ADAMTS3: variants seen among roughly 807,000 people sequenced by gnomAD.
The protein encoded by ADAMTS3 is A disintegrin and metalloproteinase with thrombospondin motifs 3.
In ADAMTS3, 73 loss-of-function variants were observed where a neutral mutation model predicts 129.0. That is an observed-to-expected ratio of 0.57 (90% CI 0.47 to 0.69). The LOEUF (loss-of-function observed/expected upper bound fraction) is 0.69, where lower values mean the gene tolerates loss of function less well. ADAMTS3 is among the 30% of genes least tolerant of loss of function. ADAMTS3 has a pLI of 0.00. For missense variants in ADAMTS3, 1,457 were observed against 1,514.5 expected, an observed-to-expected ratio of 0.96 and a Z score of 0.63; for synonymous variants, 477 against 510.8, an observed-to-expected ratio of 0.93 and a Z score of 0.89.
chr4:72,468,338 T>C (rs1050647794), intron 3 of ADAMTS3, among the ~76,000 whole-genome samples: 1 of 152,050 alleles, frequency 6.6e-6, no homozygotes, highest in African/African-American at 2.4e-5. Flanking sequence ...ACAGGAGTCT[T>C]AAGAAAAATA....
At chr4:72,366,953 A>G (rs146042146) in intron 4 of ADAMTS3, among the ~76,000 whole-genome samples, 13 of 150,256 alleles carry the variant, frequency 8.7e-5, no homozygotes, top group Non-Finnish European at 1.9e-4. Flanking sequence ...TCTCTCCTTT[A>G]TCCTCTTTTG....
At chr4:72,461,084 A>T (rs1718756384) in intron 3 of ADAMTS3, among the ~76,000 whole-genome samples, 1 of 151,702 alleles carries the variant, frequency 6.6e-6, no homozygotes, top group South Asian at 2.1e-4. Context: ...TAGGCATACA[A>T]AAACTACTAA....
chr4:72,413,184 T>A (rs1722222706), intron 4 of ADAMTS3, among the ~76,000 whole-genome samples: 1 of 151,930 alleles, frequency 6.6e-6, no homozygotes, highest in Non-Finnish European at 1.5e-5. Flanking sequence ...AGTAATAGGG[T>A]ACAGCCTGAT....
intron 2 of ADAMTS3, among the ~76,000 whole-genome samples, chr4:72,563,560 A>G (rs1031306385): frequency 6.6e-6 from 1 of 152,214 alleles, no homozygotes; most frequent in African/African-American, 2.4e-5. Context: ...AATTCAATTT[A>G]CCAAATACTT....
At position 72,318,756 on chromosome 4, in the gene ADAMTS3, T is replaced by G. The variant is rs1355674736; in HGVS notation, c.1353-52A>C. 1.0e-5 allele frequency: 16 copies of G among 1,554,388 alleles called. 1 individual carries two copies. The South Asian group carries it at 1.9e-4, about 18-fold the overall frequency. On this transcript the variant is annotated intron_variant, in intron 9 of 21. Coordinates refer to ENST00000286657, the MANE Select transcript of ADAMTS3 (RefSeq NM_014243.3). ...GTTAAATGTTCACTTAAAAAAATCA[T>G]GTCCTGATTTAAAAAAAAGTAGTCT...
chr4:72,323,056 T>C lies in ADAMTS3; in HGVS notation c.903A>G (p.Ile301Met). Residue 301 changes from isoleucine to methionine, a missense_variant, in exon 6 of 22, where the codon ATA becomes ATG. Ile to Met is a conservative substitution (Grantham distance 10). Coordinates refer to ENST00000286657, the MANE Select transcript of ADAMTS3 (RefSeq NM_014243.3). ...TTATCATGCGCACCAGGACCACATT[T>C]ATATGCACTCCGAGGGACTCATCAT... Reference protein sequence around the residue: ...IYHDESLGVHINVVLVRMIML... With the variant: ...IYHDESLGVHMNVVLVRMIML... 6.2e-7 allele frequency: 1 copy of C among 1,613,734 alleles called. No individual in the cohort carries two copies. Among genetic ancestry groups the C allele is most frequent in the Non-Finnish European group, 8.5e-7 (1 of 1,179,768 alleles).
At chr4:72,531,150 T>C (rs1721031248) in intron 3 of ADAMTS3, among the ~76,000 whole-genome samples, 1 of 151,888 alleles carries the variant, frequency 6.6e-6, no homozygotes, top group Admixed American at 6.6e-5. Context: ...AGCTGTAACA[T>C]TGGAGATATA....
intron 3 of ADAMTS3, among the ~76,000 whole-genome samples, chr4:72,418,704 C>A (rs1330595857): frequency 6.6e-6 from 1 of 152,204 alleles, no homozygotes; most frequent in Non-Finnish European, 1.5e-5. Context: ...GCTGTAAGCC[C>A]AGGCAGAAGA....
chr4:72,298,037 C>A (rs1718851459), intron 18 of ADAMTS3, among the ~76,000 whole-genome samples: 1 of 151,980 alleles, frequency 6.6e-6, no homozygotes, highest in South Asian at 2.1e-4. Flanking sequence ...ACAGTAAATG[C>A]AAGACAAAGG....
chr4:72,376,033 A>G (rs1489924302), intron 4 of ADAMTS3, among the ~76,000 whole-genome samples: 1 of 152,208 alleles, frequency 6.6e-6, no homozygotes, highest in East Asian at 1.9e-4. Flanking sequence ...GATATAGGGA[A>G]GGCAGGTTTA....
At chr4:72,473,574 T>C (rs1265315151) in intron 3 of ADAMTS3, among the ~76,000 whole-genome samples, 2 of 146,302 alleles carry the variant, frequency 1.4e-5, no homozygotes, top group African/African-American at 5.0e-5. Context: ...AAAAACACGG[T>C]CCTACTACAT....
intron 4 of ADAMTS3, among the ~76,000 whole-genome samples, chr4:72,356,273 A>G (rs1350460957): frequency 6.6e-6 from 1 of 151,956 alleles, no homozygotes; most frequent in Non-Finnish European, 1.5e-5. Context: ...TGGAAGTGAT[A>G]ATTAAAAAAA....
intron 3 of ADAMTS3, among the ~76,000 whole-genome samples, chr4:72,495,601 C>T (rs1169984502): frequency 1.3e-5 from 2 of 152,020 alleles, no homozygotes; most frequent in Non-Finnish European, 2.9e-5. Context: ...ACAGGTAAGG[C>T]TACAAAGTTT....
intron 4 of ADAMTS3, among the ~76,000 whole-genome samples, chr4:72,351,776 A>G (rs1720444303): frequency 6.6e-6 from 1 of 151,994 alleles, no homozygotes; most frequent in Non-Finnish European, 1.5e-5. Flanking sequence ...CAGTCCAAAG[A>G]ACATGATTTT....
chr4:72,368,728 G>A (rs1225029090), intron 4 of ADAMTS3, among the ~76,000 whole-genome samples: 2 of 152,228 alleles, frequency 1.3e-5, no homozygotes, highest in Admixed American at 1.3e-4. Flanking sequence ...AGAAACACAT[G>A]TTTTAATTCT....
chr4:72,291,388 C>T (rs1718661272), intron 19 of ADAMTS3, among the ~76,000 whole-genome samples: 1 of 148,914 alleles, frequency 6.7e-6, no homozygotes, highest in Non-Finnish European at 1.5e-5. Context: ...TCTTCTAATA[C>T]TATCCCTCCC....
intron 3 of ADAMTS3, among the ~76,000 whole-genome samples, chr4:72,458,377 T>A (rs1718679949): frequency 6.6e-6 from 1 of 151,470 alleles, no homozygotes; most frequent in South Asian, 2.1e-4. Context: ...AAAGTCCATG[T>A]CATCATTGCT....
At chr4:72,417,178 T>C (rs116370988) in intron 3 of ADAMTS3, among the ~76,000 whole-genome samples, 1,663 of 152,280 alleles carry the variant, frequency 0.011, 21 homozygotes, top group Non-Finnish European at 0.017. Context: ...ATAAACATCA[T>C]CATTGTTTAT....
At chr4:72,455,505 G>A (rs751085696) in intron 3 of ADAMTS3, among the ~76,000 whole-genome samples, 4 of 150,866 alleles carry the variant, frequency 2.7e-5, no homozygotes, top group Non-Finnish European at 1.5e-5. Context: ...GATAGCATTA[G>A]GAGAAATACC....
Sources: gnomAD v4.1 joint callset for allele counts (sites outside exome capture counted in the v4.1 genomes callset) on GRCh38, gnomAD v4.1.1 for gene constraint, MANE v1.5 for transcripts, NCBI Gene and HGNC (gene_info 2026-07-23, HGNC 2026-07-21) for gene names.